The following ARHGEF26 variants were observed in gnomAD, a reference collection of about 807,000 sequenced individuals.
ARHGEF26 encodes the protein Rho guanine nucleotide exchange factor (GEF) 26.
ARHGEF26 carries 59 observed loss-of-function variants against 89.4 expected under a neutral mutation model. The observed-to-expected ratio is 0.66, with a 90% CI of 0.54 to 0.82. ARHGEF26 has a LOEUF of 0.82. Among genes scored for constraint, ARHGEF26 ranks in the 40% least tolerant of loss-of-function variants. ARHGEF26 has a pLI of 0.00. For missense variants in ARHGEF26, 1,234 were observed against 1,085.6 expected (o/e 1.14, Z -1.92); for synonymous variants, 500 against 428.4 (o/e 1.17, Z -2.06).
chr3:154,202,637 T>C (rs1443325447), intron 9 of ARHGEF26, among the ~76,000 whole-genome samples: 1 of 152,198 alleles, frequency 6.6e-6, no homozygotes, highest in East Asian at 1.9e-4. Flanking sequence ...CCCATGAGCA[T>C]GGAATGTTCT....
chr3:154,169,604 G>A (rs1262926635), intron 6 of ARHGEF26, among the ~76,000 whole-genome samples: 2 of 152,162 alleles, frequency 1.3e-5, no homozygotes, highest in Non-Finnish European at 2.9e-5. Context: ...CAGAGAAAAT[G>A]TGTGTTTAAG....
At chr3:154,238,663 C>T (rs1045201548) in intron 11 of ARHGEF26, among the ~76,000 whole-genome samples, 8 of 152,048 alleles carry the variant, frequency 5.3e-5, no homozygotes, top group Admixed American at 6.6e-5. Context: ...GGTAATTATT[C>T]GATATTCCTA....
In ARHGEF26 at chr3:154,202,717, T is replaced by C. The variant is rs555086169; in HGVS notation, c.1845+7999T>C. On this transcript the variant is annotated intron_variant, in intron 9 of 14. Transcript: ENST00000465093. ...TAGTTCTCCTTGAAGAGGTCCTTCA[T>C]GTCCCTTGTAAGTTGGATTCCTAGG... Among the ~76,000 whole-genome samples the C allele has an allele frequency of 2.7e-4, 41 of 150,328 alleles. 1 individual carries two copies. Among genetic ancestry groups the C allele is most frequent in the African/African-American group, 9.1e-4 (37 of 40,668 alleles).
intron 12 of ARHGEF26, among the ~76,000 whole-genome samples, chr3:154,240,925 T>G (rs766125338): frequency 3.3e-5 from 5 of 152,200 alleles, no homozygotes; most frequent in Non-Finnish European, 7.3e-5. Flanking sequence ...AACTGGTATT[T>G]TGAGTCTAGG....
At position 154,237,513 on chromosome 3, in the gene ARHGEF26, G is replaced by A. The variant is rs187374806; in HGVS notation, c.2091-2857G>A. Among the ~76,000 whole-genome samples, 736 of 150,408 alleles carry A rather than the reference G, an allele frequency of 4.9e-3. 26 individuals carry two copies. The highest frequency in any genetic ancestry group is 0.046 in the Admixed American group (691 of 15,042). Reference sequence around the variant, plus strand: ...GCTGAGAGTGCACCACTGCACTCCAGCCTGGGTGACAGAGTGAGACTCCGT... The same window carrying A: ...GCTGAGAGTGCACCACTGCACTCCAACCTGGGTGACAGAGTGAGACTCCGT... On this transcript the variant is annotated intron_variant, in intron 11 of 14. Coordinates refer to ENST00000465093, the MANE Select transcript of ARHGEF26 (RefSeq NM_015595.4).
In ARHGEF26 at chr3:154,138,974, G is replaced by A. The variant is rs571376276; in HGVS notation, c.1269+9255G>A. Among the ~76,000 whole-genome samples, 15 of 152,308 alleles carry A rather than the reference G, an allele frequency of 9.8e-5. No homozygotes were observed. In the South Asian group the frequency reaches 2.9e-3, roughly 29 times the overall value. ...AAGCTGTGAATGACTTACTGGTGCTGCTGCAAGATCTTCTAGAAAAGAGCA... is the reference window on the plus strand; with the variant it reads ...AAGCTGTGAATGACTTACTGGTGCTACTGCAAGATCTTCTAGAAAAGAGCA... On this transcript the variant is annotated intron_variant, in intron 4 of 14. Coordinates refer to ENST00000465093, the MANE Select transcript of ARHGEF26 (RefSeq NM_015595.4).
Position 154,122,901 on chromosome 3 carries a change from T to C in ARHGEF26, c.909T>C (p.Asp303=). The change falls in exon 2 of 15, where the codon GAT becomes GAC. Residue 303 remains aspartate, a synonymous_variant. Coordinates refer to ENST00000465093, the MANE Select transcript of ARHGEF26 (RefSeq NM_015595.4). ...GEESEVDNDV[D]SPGSLRRGLR... ...AGAGTGAGGTCGATAACGACGTGGA[T>C]AGCCCAGGGTCTCTGCGGAGAGGCT... The C allele has an allele frequency of 1.2e-6, 2 of 1,613,254 alleles. No homozygotes were observed. Among genetic ancestry groups the C allele is most frequent in the Non-Finnish European group, 1.7e-6 (2 of 1,179,602 alleles).
At position 154,254,744 on chromosome 3, in the gene ARHGEF26, G is replaced by T; in HGVS notation, c.2393G>T (p.Arg798Met). The T allele has an allele frequency of 6.2e-7, 1 of 1,613,886 alleles. No homozygotes were observed. Among genetic ancestry groups the T allele is most frequent in the Non-Finnish European group, 8.5e-7 (1 of 1,179,836 alleles). ...RTSLTQVEIVRSFTAKQPDEL... is the reference protein window; with the variant it reads ...RTSLTQVEIVMSFTAKQPDEL... ...GCACTGACCCAGGTGGAAATCGTTA[G>T]GTCATTTACTGCTAAGCAGCCAGAT... is the stretch of plus-strand genomic sequence containing the variant. Residue 798 changes from arginine to methionine, a missense_variant, in exon 14 of 15, where the codon AGG becomes ATG. Physicochemically the swap from Arg to Met is moderately conservative, Grantham distance 91. Transcript: ENST00000465093.
intron 11 of ARHGEF26, among the ~76,000 whole-genome samples, chr3:154,226,693 ACAC>A (rs1716516213): frequency 8.1e-6 from 1 of 123,132 alleles, no homozygotes; most frequent in Non-Finnish European, 1.8e-5. Flanking sequence ...ACACACACAC[ACAC>A]CCCTTCAGCT....
chr3:154,246,138 A>G (rs1398303260), intron 12 of ARHGEF26, among the ~76,000 whole-genome samples: 2 of 152,104 alleles, frequency 1.3e-5, no homozygotes, highest in Admixed American at 1.3e-4. Flanking sequence ...GAGGATAGGT[A>G]CTCTAACTTA....
chr3:154,128,899 A>G (rs1018585321), intron 3 of ARHGEF26, among the ~76,000 whole-genome samples: 11 of 152,192 alleles, frequency 7.2e-5, no homozygotes, highest in Non-Finnish European at 1.2e-4. Flanking sequence ...ACTTATCAGC[A>G]TCAAAATACT....
chr3:154,230,092 T>C (rs1449682910), intron 11 of ARHGEF26, among the ~76,000 whole-genome samples: 1 of 152,230 alleles, frequency 6.6e-6, no homozygotes, highest in East Asian at 1.9e-4. Flanking sequence ...TTGTAAGATA[T>C]AGTCCCTTCT....
rs759904925 is a variant in ARHGEF26, at chr3:154,129,653, G to A, written c.1203G>A (p.Gln401=). Residue 401 remains glutamine (Q), a synonymous_variant, in exon 4 of 15, where the codon CAG becomes CAA. Transcript: ENST00000465093. The stretch of plus-strand genomic sequence containing the variant: ...ATGAAGAGTCAGAGCCCAAAGAACA[G>A]AAGTCAGATGAAAAAATTGTGATTC... The part of the protein sequence containing the change: ...DSDEESEPKE[Q]KSDEKIVIHH... 1.9e-6 allele frequency: 3 copies of A among 1,611,988 alleles called. No homozygotes were observed. Among genetic ancestry groups the A allele is most frequent in the Non-Finnish European group, 1.7e-6 (2 of 1,178,990 alleles).
Position 154,217,460 on chromosome 3 carries a change from G to A in ARHGEF26, c.1846-409G>A, listed in dbSNP as rs543585136. ...GCCCTTTGTCAGATGAGTAGGTTGCGAAAATTTTCTCCCATTTTGTAGGTT... is the reference window on the plus strand; with the variant it reads ...GCCCTTTGTCAGATGAGTAGGTTGCAAAAATTTTCTCCCATTTTGTAGGTT... On this transcript the variant is annotated intron_variant, in intron 9 of 14. Coordinates refer to ENST00000465093, the MANE Select transcript of ARHGEF26 (RefSeq NM_015595.4). 3.3e-3 allele frequency among the ~76,000 whole-genome samples: 495 copies of A among 152,060 alleles called. 4 individuals carry two copies. Among genetic ancestry groups the A allele is most frequent in the African/African-American group, 0.012 (478 of 41,490 alleles).
intron 6 of ARHGEF26, among the ~76,000 whole-genome samples, chr3:154,171,655 A>G (rs1712447330): frequency 6.6e-6 from 1 of 152,162 alleles, no homozygotes; most frequent in African/African-American, 2.4e-5. Context: ...TGAGATGGCT[A>G]TGAGACATAA....
intron 12 of ARHGEF26, among the ~76,000 whole-genome samples, chr3:154,250,880 G>A (rs1718100256): frequency 6.6e-6 from 1 of 152,176 alleles, no homozygotes; most frequent in African/African-American, 2.4e-5. Flanking sequence ...AAAGATACAA[G>A]TGTTTGCCTG....
At chr3:154,240,315 A>G in intron 11 of ARHGEF26, 55 bp from the exon 12 acceptor site, 1 of 1,384,488 alleles carries the variant, frequency 7.2e-7, no homozygotes, top group East Asian at 2.4e-5. Flanking sequence ...GAAAACTGAC[A>G]ATGTCAGTCT....
intron 4 of ARHGEF26, among the ~76,000 whole-genome samples, chr3:154,131,111 A>C (rs1199658520): frequency 6.6e-6 from 1 of 152,140 alleles, no homozygotes; most frequent in Non-Finnish European, 1.5e-5. Flanking sequence ...TTATGCCAAA[A>C]ATTAAAATAT....
chr3:154,174,838 A>G (rs1369191735), intron 6 of ARHGEF26, among the ~76,000 whole-genome samples: 1 of 152,154 alleles, frequency 6.6e-6, no homozygotes, highest in Non-Finnish European at 1.5e-5. Flanking sequence ...TTCTGAATTA[A>G]AAAATAGTTA....
Sources: allele counts gnomAD v4.1 joint callset (sites outside exome capture counted in the v4.1 genomes callset), GRCh38; gene constraint gnomAD v4.1.1; transcripts MANE v1.5; gene names NCBI Gene and HGNC (gene_info 2026-07-23, HGNC 2026-07-21).